The following TMEM108 variants were observed in gnomAD, a reference collection of about 807,000 sequenced individuals.
The protein encoded by TMEM108 is cancer/testis antigen 124.
TMEM108 carries 12 observed loss-of-function variants against 35.1 expected under a neutral mutation model. The ratio of observed to expected loss-of-function variants is 0.34; its 90% CI spans 0.22 to 0.55. TMEM108 has a LOEUF of 0.55. Ranked by LOEUF, TMEM108 falls within the 20% of genes least tolerant of loss-of-function variation. The pLI is 0.89. For synonymous variants in TMEM108, 287 were observed against 308.6 expected (o/e 0.93, Z 0.73); for missense variants, 680 against 753.3 (o/e 0.90, Z 1.14).
chr3:133,180,717 A>G (rs1405232328), intron 2 of TMEM108, among the ~76,000 whole-genome samples: 1 of 152,168 alleles, frequency 6.6e-6, no homozygotes, highest in African/African-American at 2.4e-5. Flanking sequence ...TTTAAAACAT[A>G]AATATTTGCA....
chr3:133,337,231 A>G lies in TMEM108; in HGVS notation c.41-42521A>G, dbSNP rs116627278. Among the ~76,000 whole-genome samples, 739 of 152,284 alleles carry G rather than the reference A, an allele frequency of 4.9e-3. 7 individuals are homozygous for G. The highest frequency in any genetic ancestry group is 0.017 in the African/African-American group (698 of 41,542). ...ATGGTAGCCAGGTAGTAGTTATAGC[A>G]GGCCTTGGGTGAGATCCAGTGCTGT... On this transcript the variant is annotated intron_variant, in intron 3 of 5. Transcript: ENST00000321871.
intron 2 of TMEM108, among the ~76,000 whole-genome samples, chr3:133,080,092 G>C (rs550029926): frequency 6.6e-6 from 1 of 152,010 alleles, no homozygotes; most frequent in East Asian, 1.9e-4. Context: ...AAATAGTGCT[G>C]TATGCTAAAG....
intron 2 of TMEM108, among the ~76,000 whole-genome samples, chr3:133,051,453 T>C (rs1943403365): frequency 6.6e-6 from 1 of 152,138 alleles, no homozygotes; most frequent in African/African-American, 2.4e-5. Flanking sequence ...TTTTTCCCAA[T>C]CTGTGGATTG....
intron 2 of TMEM108, among the ~76,000 whole-genome samples, chr3:133,211,434 C>G (rs1045309087): frequency 6.6e-6 from 1 of 152,210 alleles, no homozygotes; most frequent in South Asian, 2.1e-4. Flanking sequence ...TAATCTTTTT[C>G]ATAAGCAGTG....
intron 3 of TMEM108, among the ~76,000 whole-genome samples, chr3:133,257,785 A>T (rs1448167071): frequency 6.6e-6 from 1 of 152,226 alleles, no homozygotes; most frequent in Non-Finnish European, 1.5e-5. Context: ...AACTTCAGCC[A>T]GTTGTCTGTT....
intron 3 of TMEM108, among the ~76,000 whole-genome samples, chr3:133,350,158 G>A (rs1264471149): frequency 1.3e-5 from 2 of 152,058 alleles, no homozygotes; most frequent in Non-Finnish European, 1.5e-5. Flanking sequence ...TATGTTAAGT[G>A]AAATAAGGCA....
intron 1 of TMEM108, among the ~76,000 whole-genome samples, chr3:133,044,904 C>T (rs1943316543): frequency 6.6e-6 from 1 of 151,676 alleles, no homozygotes; most frequent in Non-Finnish European, 1.5e-5. Context: ...CTGCAGTGAG[C>T]TGTGATCACA....
intron 2 of TMEM108, among the ~76,000 whole-genome samples, chr3:133,177,582 T>A (rs1042729282): frequency 3.9e-5 from 6 of 152,148 alleles, no homozygotes; most frequent in African/African-American, 1.4e-4. Context: ...ATTATCTCAA[T>A]AGATGCAGAA....
At chr3:133,240,892 T>C (rs915539646) in intron 3 of TMEM108, among the ~76,000 whole-genome samples, 9 of 152,168 alleles carry the variant, frequency 5.9e-5, no homozygotes, top group Non-Finnish European at 1.3e-4. Flanking sequence ...TTTGTTGTAA[T>C]ATTGTAAGCA....
At chr3:133,076,733 C>T (rs1943746998) in intron 2 of TMEM108, among the ~76,000 whole-genome samples, 1 of 152,222 alleles carries the variant, frequency 6.6e-6, no homozygotes, top group Non-Finnish European at 1.5e-5. Flanking sequence ...GGCCAACAGA[C>T]AGTTTTCTGG....
chr3:133,296,944 T>C (rs957953106), intron 3 of TMEM108, among the ~76,000 whole-genome samples: 8 of 152,178 alleles, frequency 5.3e-5, no homozygotes, highest in African/African-American at 1.9e-4. Flanking sequence ...ATCCCCACTT[T>C]CTTAATGGTT....
intron 2 of TMEM108, among the ~76,000 whole-genome samples, chr3:133,141,884 G>C (rs1944646771): frequency 6.6e-6 from 1 of 152,138 alleles, no homozygotes; most frequent in Non-Finnish European, 1.5e-5. Context: ...TAATTGGAAT[G>C]AATCTCATTT....
rs56983894 is a variant in TMEM108 at position 133,057,435 on chromosome 3, GTATATATATATATATATATATATATA to G, written c.-47+11441_-47+11466del. 6.1e-4 allele frequency among the ~76,000 whole-genome samples: 28 copies of G among 45,764 alleles called. 1 individual carries two copies. Among genetic ancestry groups the G allele is most frequent in the East Asian group, 5.5e-3 (8 of 1,442 alleles). 30.0% of individuals were successfully genotyped at this position (45,764 alleles called of 152,430 possible). On this transcript the variant is annotated intron_variant, in intron 2 of 5. Coordinates refer to ENST00000321871, the MANE Select transcript of TMEM108 (RefSeq NM_023943.4). ...TGGGCTATTAGTTGTGTGTGTGTGTGTATATATATATATATATATATATATATATATATATATATATATATATATAT... is the reference window on the plus strand; with the variant it reads ...TGGGCTATTAGTTGTGTGTGTGTGTGTATATATATATATATATATATATAT...
At chr3:133,125,954 A>G (rs544433775) in intron 2 of TMEM108, among the ~76,000 whole-genome samples, 11 of 152,194 alleles carry the variant, frequency 7.2e-5, no homozygotes, top group Non-Finnish European at 1.6e-4. Context: ...TTGATCTGGA[A>G]CACCAATGTC....
At chr3:133,176,410 A>C (rs1002425087) in intron 2 of TMEM108, among the ~76,000 whole-genome samples, 23 of 152,216 alleles carry the variant, frequency 1.5e-4, no homozygotes, top group African/African-American at 5.5e-4. Context: ...AAAATTGACC[A>C]CATAGTTGGA....
At chr3:133,315,654 C>T (rs1033562799) in intron 3 of TMEM108, among the ~76,000 whole-genome samples, 1 of 152,224 alleles carries the variant, frequency 6.6e-6, no homozygotes, top group African/African-American at 2.4e-5. Context: ...TTTCACCAAA[C>T]CCAACAGCCA....
chr3:133,331,526 G>A (rs1440009170), intron 3 of TMEM108, among the ~76,000 whole-genome samples: 1 of 152,170 alleles, frequency 6.6e-6, no homozygotes, highest in Non-Finnish European at 1.5e-5. Flanking sequence ...GTGGGCTACA[G>A]TATATGGGTT....
intron 3 of TMEM108, among the ~76,000 whole-genome samples, chr3:133,371,613 C>CAAAAAAAAAAAAAAAAAAAAAAAAAAAA (rs3054624): frequency 3.8e-5 from 3 of 78,098 alleles, no homozygotes; most frequent in African/African-American, 1.8e-4. Context: ...CACAAACCCA[C>CAAAAAAAAAAAAAAAAAAAAAAAAAAAA]AAAAAAAAAA....
At chr3:133,326,155 C>T (rs1217840595) in intron 3 of TMEM108, among the ~76,000 whole-genome samples, 1 of 152,214 alleles carries the variant, frequency 6.6e-6, no homozygotes, top group Non-Finnish European at 1.5e-5. Context: ...GTGGAATTTA[C>T]TGACCACCTG....
Sources: allele counts gnomAD v4.1 joint callset (sites outside exome capture counted in the v4.1 genomes callset), GRCh38; gene constraint gnomAD v4.1.1; transcripts MANE v1.5; gene names NCBI Gene and HGNC (gene_info 2026-07-23, HGNC 2026-07-21).